The following SGCG variants were observed in gnomAD, a reference collection of about 807,000 sequenced individuals.
SGCG encodes gamma-sarcoglycan.
A neutral mutation model predicts 29.3 loss-of-function variants in SGCG; 26 were observed. That is an observed-to-expected ratio of 0.89 (90% CI 0.65 to 1.23). The LOEUF (loss-of-function observed/expected upper bound fraction) is 1.23, where lower values mean the gene tolerates loss of function less well. Among genes scored for constraint, SGCG ranks in the 50% most tolerant of loss-of-function variants. The pLI is 0.00. For missense variants in SGCG, 353 were observed against 356.0 expected (o/e 0.99, Z 0.07); for synonymous variants, 145 against 129.7 (o/e 1.12, Z -0.80).
intron 4 of SGCG, among the ~76,000 whole-genome samples, chr13:23,276,958 A>G (rs1199389143): frequency 6.6e-6 from 1 of 152,226 alleles, no homozygotes; most frequent in Non-Finnish European, 1.5e-5. Context: ...CACATTGTCA[A>G]TGCTTAGCAC....
At chr13:23,179,010 C>T (rs926990390), upstream of SGCG, among the ~76,000 whole-genome samples, 1 of 152,192 alleles carries the variant, frequency 6.6e-6, no homozygotes, top group Non-Finnish European at 1.5e-5. Context: ...AGCACGTTTA[C>T]AGTGGAGCAC....
chr13:23,307,721 C>G (rs765287022), intron 6 of SGCG, among the ~76,000 whole-genome samples: 22 of 152,028 alleles, frequency 1.4e-4, no homozygotes, highest in Non-Finnish European at 2.8e-4. Context: ...CAAATTATAT[C>G]TGTATTTAAA....
Position 23,324,569 on chromosome 13 carries a change from G to A in SGCG, c.*28G>A, listed in dbSNP as rs1468492654. On this transcript the variant is annotated 3_prime_UTR_variant, in exon 8 of 8. Transcript: ENST00000218867. The stretch of plus-strand genomic sequence containing the variant: ...TGCCTGCGTCCTCTCGGTGAGCTGT[G>A]CAGTGCCGGCCCCAGATCCTCACAC... 1.3e-6 allele frequency: 2 copies of A among 1,597,034 alleles called. No homozygotes were observed. The highest frequency in any genetic ancestry group is 1.3e-5 in the African/African-American group (1 of 74,796).
intron 5 of SGCG, among the ~76,000 whole-genome samples, chr13:23,292,068 C>T (rs2137638736): frequency 6.6e-6 from 1 of 152,194 alleles, no homozygotes; most frequent in East Asian, 1.9e-4. Flanking sequence ...CTCCCAAAAG[C>T]TTCTCTAGTG....
At chr13:23,196,458 A>G (rs9550931) in intron 1 of SGCG, among the ~76,000 whole-genome samples, 69,960 of 151,962 alleles carry the variant, frequency 0.46, 16,265 homozygotes, top group Admixed American at 0.51. Flanking sequence ...ATTATCTATT[A>G]TCAGTTTTTA....
At chr13:23,279,709 C>CCCTTCCTT (rs146797198) in intron 5 of SGCG, among the ~76,000 whole-genome samples, 1 of 148,030 alleles carries the variant, frequency 6.8e-6, no homozygotes, top group Non-Finnish European at 1.5e-5. Flanking sequence ...TACCCTTTGT[C>CCCTTCCTT]CCTTCCTTCC....
chr13:23,235,591 C>T (rs1384689006), intron 3 of SGCG, among the ~76,000 whole-genome samples: 1 of 152,148 alleles, frequency 6.6e-6, no homozygotes, highest in Non-Finnish European at 1.5e-5. Context: ...TACGTTCAAA[C>T]AATGTTGGCA....
intron 6 of SGCG, among the ~76,000 whole-genome samples, chr13:23,317,826 CTGAG>C (rs1190127997): frequency 6.6e-6 from 1 of 152,078 alleles, no homozygotes; most frequent in Admixed American, 6.6e-5. Context: ...ATGGTTAATA[CTGAG>C]TGTCAACTCG....
chr13:23,305,513 A>G (rs529339677), intron 6 of SGCG, among the ~76,000 whole-genome samples: 1 of 152,326 alleles, frequency 6.6e-6, no homozygotes, highest in South Asian at 2.1e-4. Flanking sequence ...AATATCTCTA[A>G]TCAATTTCTC....
intron 1 of SGCG, among the ~76,000 whole-genome samples, chr13:23,184,370 AG>A (rs1352237402): frequency 4.0e-4 from 3 of 7,568 alleles, no homozygotes; most frequent in Non-Finnish European, 8.0e-4. Flanking sequence ...GGCAAATTGA[AG>A]GTTTTTTTTT....
At chr13:23,297,304 C>T (rs1881944782) in intron 6 of SGCG, among the ~76,000 whole-genome samples, 1 of 151,608 alleles carries the variant, frequency 6.6e-6, no homozygotes, top group Admixed American at 6.6e-5. Context: ...CCTAACCCAG[C>T]AGTGTTAGAG....
intron 1 of SGCG, among the ~76,000 whole-genome samples, chr13:23,202,159 A>G (rs1877793375): frequency 6.6e-6 from 1 of 152,228 alleles, no homozygotes. Context: ...ATGAAGCCAA[A>G]GACATCAGCG....
chr13:23,162,666 G>A, the SGCG span, among the ~76,000 whole-genome samples: 1 of 150,574 alleles, frequency 6.6e-6, no homozygotes, highest in African/African-American at 2.4e-5. Context: ...CCCGATCTCT[G>A]CTAAAAATAC....
chr13:23,299,222 C>A lies in SGCG; in HGVS notation c.578+3735C>A, dbSNP rs570715100. Among the ~76,000 whole-genome samples the A allele has an allele frequency of 5.9e-4, 90 of 151,600 alleles. 3 individuals are homozygous for A. In the South Asian group the frequency reaches 7.5e-3, roughly 13 times the overall value. On this transcript the variant is annotated intron_variant, in intron 6 of 7. Transcript: ENST00000218867. ...CCAGTTTGCTGTCTCCACCACCCAG[C>A]GGATCCTTGAGAGATTGATTCTTTG... is the stretch of plus-strand genomic sequence containing the variant.
intron 2 of SGCG, among the ~76,000 whole-genome samples, chr13:23,228,063 G>C (rs1878970304): frequency 6.6e-6 from 1 of 152,044 alleles, no homozygotes; most frequent in Non-Finnish European, 1.5e-5. Context: ...CGCCCACCTA[G>C]ACCTCCCAAA....
At chr13:23,191,426 A>G (rs567032589) in intron 1 of SGCG, among the ~76,000 whole-genome samples, 1 of 152,316 alleles carries the variant, frequency 6.6e-6, no homozygotes, top group Admixed American at 6.5e-5. Context: ...AGAAAGAAAC[A>G]TGACTCCATG....
chr13:23,223,689 C>T (rs117484743), intron 2 of SGCG, among the ~76,000 whole-genome samples: 11,462 of 151,990 alleles, frequency 0.075, 533 homozygotes, highest in South Asian at 0.1. Flanking sequence ...AGGGGCTGGG[C>T]GTGGTGGCTC....
At chr13:23,218,795 C>A (rs1231626953) in intron 2 of SGCG, among the ~76,000 whole-genome samples, 9 of 151,656 alleles carry the variant, frequency 5.9e-5, no homozygotes, top group Non-Finnish European at 1.0e-4. Context: ...ATAGGGACAA[C>A]CTTACTTTGT....
At chr13:23,305,451 C>G (rs1236650496) in intron 6 of SGCG, among the ~76,000 whole-genome samples, 2 of 152,176 alleles carry the variant, frequency 1.3e-5, no homozygotes, top group Admixed American at 1.3e-4. Flanking sequence ...TCCAAGTATA[C>G]TATCAGATCA....
Sources: allele counts gnomAD v4.1 joint callset (sites outside exome capture counted in the v4.1 genomes callset), GRCh38; gene constraint gnomAD v4.1.1; transcripts MANE v1.5; gene names NCBI Gene and HGNC (gene_info 2026-07-23, HGNC 2026-07-21).